NOS1AP: variants seen among roughly 807,000 people sequenced by gnomAD.
The protein encoded by NOS1AP is nitric oxide synthase 1 adaptor protein.
In NOS1AP, 21 loss-of-function variants were observed where a neutral mutation model predicts 56.2. The observed-to-expected ratio is 0.37, with a 90% CI of 0.26 to 0.54. The LOEUF (loss-of-function observed/expected upper bound fraction) is 0.54, where lower values mean the gene tolerates loss of function less well. Among genes scored for constraint, NOS1AP ranks in the 20% least tolerant of loss-of-function variants. The pLI, the probability that NOS1AP is intolerant of heterozygous loss-of-function variation, is 0.84. For missense variants in NOS1AP, 522 were observed against 657.8 expected, an observed-to-expected ratio of 0.79 and a Z score of 2.26; for synonymous variants, 270 against 274.6, an observed-to-expected ratio of 0.98 and a Z score of 0.17.
At chr1:162,219,889 AT>A (rs1190804931) in intron 2 of NOS1AP, among the ~76,000 whole-genome samples, 1 of 152,224 alleles carries the variant, frequency 6.6e-6, no homozygotes, top group East Asian at 1.9e-4. Flanking sequence ...AAGAGTTAAC[AT>A]TGACACATTA....
chr1:162,109,117 C>G (rs1647619057), intron 1 of NOS1AP, among the ~76,000 whole-genome samples: 1 of 152,210 alleles, frequency 6.6e-6, no homozygotes, highest in African/African-American at 2.4e-5. Context: ...ACCATGAGAA[C>G]AGTATGGAGG....
Position 162,081,774 on chromosome 1 carries a change from A to ATATATATATATTTTTTT in NOS1AP, c.105+11493_105+11494insATATATATATTTTTTTT. On this transcript the variant is annotated intron_variant, in intron 1 of 9. Coordinates refer to ENST00000361897, the MANE Select transcript of NOS1AP (RefSeq NM_014697.3). ...TCTATAGATATATATATATATATATATTTTTTTTTTGTAGAGATGGGTTTT... is the reference window on the plus strand; with the variant it reads ...TCTATAGATATATATATATATATATATATATATATATTTTTTTTTTTTTTTTTGTAGAGATGGGTTTT... 1.5e-3 allele frequency among the ~76,000 whole-genome samples: 67 copies of ATATATATATATTTTTTT among 44,024 alleles called. 2 individuals are homozygous for ATATATATATATTTTTTT. The highest frequency in any genetic ancestry group is 5.0e-3 in the African/African-American group (65 of 13,050). The allele number at this position is 44,024 out of a possible 152,430, so 28.9% of individuals were successfully genotyped here.
intron 8 of NOS1AP, 145 bp from the exon 9 acceptor site, chr1:162,365,259 G>A: frequency 2.0e-6 from 3 of 1,504,066 alleles, no homozygotes; most frequent in East Asian, 4.8e-5. Context: ...AAGCCCAGAT[G>A]CCCATGCTGC....
At chr1:162,156,738 C>G (rs1413458718) in intron 2 of NOS1AP, among the ~76,000 whole-genome samples, 2 of 151,938 alleles carry the variant, frequency 1.3e-5, no homozygotes, top group Non-Finnish European at 2.9e-5. Context: ...CTTTGTTAGG[C>G]TTTTTAATAT....
At chr1:162,235,059 G>A (rs1046546452) in intron 2 of NOS1AP, among the ~76,000 whole-genome samples, 3 of 152,088 alleles carry the variant, frequency 2.0e-5, no homozygotes, top group African/African-American at 4.8e-5. Context: ...AAACCTGAGC[G>A]TTCCTTCAGT....
At chr1:162,315,037 A>C (rs1029080328) in intron 4 of NOS1AP, among the ~76,000 whole-genome samples, 2 of 152,220 alleles carry the variant, frequency 1.3e-5, no homozygotes, top group Non-Finnish European at 2.9e-5. Context: ...AACCAATCTC[A>C]TGTTGGTGAG....
chr1:162,088,703 G>A (rs1194633846), intron 1 of NOS1AP, among the ~76,000 whole-genome samples: 4 of 152,122 alleles, frequency 2.6e-5, no homozygotes, highest in Non-Finnish European at 5.9e-5. Context: ...ACGGTTTGAG[G>A]TGTGCCCCCA....
At chr1:162,109,327 G>A (rs540551703) in intron 1 of NOS1AP, among the ~76,000 whole-genome samples, 1 of 152,308 alleles carries the variant, frequency 6.6e-6, no homozygotes, top group South Asian at 2.1e-4. Flanking sequence ...TTGAGCACTG[G>A]CTGGCTATCT....
At chr1:162,268,257 G>GAAA (rs757606072) in intron 2 of NOS1AP, among the ~76,000 whole-genome samples, 3,632 of 131,468 alleles carry the variant, frequency 0.028, 62 homozygotes, top group Non-Finnish European at 0.041. Context: ...CTGTCTATAG[G>GAAA]AAAAAAAAAA....
At chr1:162,206,264 A>G (rs1652160585) in intron 2 of NOS1AP, among the ~76,000 whole-genome samples, 1 of 152,062 alleles carries the variant, frequency 6.6e-6, no homozygotes, top group South Asian at 2.1e-4. Flanking sequence ...CTTAAAAAAA[A>G]AAAAGTAGCA....
intron 1 of NOS1AP, among the ~76,000 whole-genome samples, chr1:162,144,964 G>A (rs1041864832): frequency 2.0e-5 from 3 of 152,118 alleles, no homozygotes; most frequent in African/African-American, 7.2e-5. Flanking sequence ...GAATTGCATG[G>A]CATTAGCATA....
intron 2 of NOS1AP, among the ~76,000 whole-genome samples, chr1:162,265,975 G>A (rs1431517571): frequency 2.0e-5 from 3 of 152,146 alleles, no homozygotes; most frequent in South Asian, 2.1e-4. Context: ...GGCTTTATCC[G>A]AGGCCAGACA....
At chr1:162,186,892 G>T (rs926332318) in intron 2 of NOS1AP, among the ~76,000 whole-genome samples, 1 of 152,184 alleles carries the variant, frequency 6.6e-6, no homozygotes, top group Non-Finnish European at 1.5e-5. Context: ...TTGCAAAAAT[G>T]GAATGCTTTT....
intron 1 of NOS1AP, among the ~76,000 whole-genome samples, chr1:162,089,866 ACT>A (rs1337664651): frequency 6.6e-6 from 1 of 152,254 alleles, no homozygotes; most frequent in Non-Finnish European, 1.5e-5. Context: ...AGTGAAACTG[ACT>A]TCGGACTTCT....
chr1:162,367,265 C>T lies in NOS1AP; in HGVS notation c.1319C>T (p.Pro440Leu), dbSNP rs776283993. 17 of 1,613,648 alleles carry T rather than the reference C, an allele frequency of 1.1e-5. No homozygotes were observed. The highest frequency in any genetic ancestry group is 1.4e-5 in the Non-Finnish European group (16 of 1,179,950). ...CFRFLPPEDT[P>L]PPAQGEALLG... Reference sequence around the variant, plus strand: ...CGCTTTCTTCCGCCCGAGGACACCCCGCCCCCAGCGCAGGGCGAGGCGCTC... The same window carrying T: ...CGCTTTCTTCCGCCCGAGGACACCCTGCCCCCAGCGCAGGGCGAGGCGCTC... Residue 440 changes from proline (P) to leucine (L), a missense_variant, in exon 10 of 10, where the codon CCG (proline) becomes CTG (leucine). By Grantham distance (98) the Pro-to-Leu change is moderately conservative. This residue lies in a region of NOS1AP where 160 missense variants were observed against 180.3 expected (regional missense o/e 0.89). Coordinates refer to ENST00000361897, the MANE Select transcript of NOS1AP (RefSeq NM_014697.3). The surrounding 1 kb of genome is among the most constrained non-coding windows in gnomAD (Gnocchi z 6.5).
At chr1:162,274,181 C>T (rs1391781963) in intron 2 of NOS1AP, among the ~76,000 whole-genome samples, 2 of 152,162 alleles carry the variant, frequency 1.3e-5, no homozygotes, top group African/African-American at 4.8e-5. Flanking sequence ...TTCAGCAATG[C>T]GTGAGAAGTC....
chr1:162,338,143 A>C (rs193217547), intron 5 of NOS1AP, among the ~76,000 whole-genome samples: 172 of 152,324 alleles, frequency 1.1e-3, no homozygotes, highest in Admixed American at 6.5e-4. Context: ...ATAGATAAGA[A>C]TTATAAATCT....
chr1:162,293,150 T>C (rs767093920), intron 3 of NOS1AP, among the ~76,000 whole-genome samples: 4 of 152,178 alleles, frequency 2.6e-5, no homozygotes, highest in Non-Finnish European at 4.4e-5. Flanking sequence ...AGGAGAGAGA[T>C]AGCTTTATTT....
rs1008095798 is a variant in NOS1AP at position 162,285,409 on chromosome 1, G to C, written c.178-1935G>C. Among the ~76,000 whole-genome samples, 3 of 152,216 alleles carry C rather than the reference G, an allele frequency of 2.0e-5. No individual in the cohort carries two copies. In the South Asian group the frequency reaches 6.2e-4, roughly 32 times the overall value. ...ATTGTAATGCCGGTTCTCCCACCCAGAGGTTATTTGAGTTCATCCAGCACT... is the reference window on the plus strand; with the variant it reads ...ATTGTAATGCCGGTTCTCCCACCCACAGGTTATTTGAGTTCATCCAGCACT... On this transcript the variant is annotated intron_variant, in intron 2 of 9. Coordinates refer to ENST00000361897, the MANE Select transcript of NOS1AP (RefSeq NM_014697.3).
Sources: allele counts gnomAD v4.1 joint callset (sites outside exome capture counted in the v4.1 genomes callset), GRCh38; gene constraint gnomAD v4.1.1; regional missense constraint gnomAD v4.1.1; non-coding constraint Gnocchi (gnomAD v3.1); transcripts MANE v1.5; gene names NCBI Gene and HGNC (gene_info 2026-07-23, HGNC 2026-07-21).